Variants in PTGER3 observed in about 807,000 individuals in gnomAD.
PTGER3 encodes prostaglandin E2 receptor EP3 subtype.
In PTGER3, 22 loss-of-function variants were observed where a neutral mutation model predicts 34.7. The ratio of observed to expected loss-of-function variants is 0.63; its 90% CI spans 0.45 to 0.91. PTGER3 has a LOEUF of 0.91. PTGER3 is among the 40% of genes least tolerant of loss of function. PTGER3 has a pLI of 0.00. For missense variants in PTGER3, 468 were observed against 519.4 expected (o/e 0.90, Z 0.96); for synonymous variants, 241 against 230.1 (o/e 1.05, Z -0.43).
rs545876817 is a variant in PTGER3, at chr1:70,973,263, A to G, written c.1169+1034T>C. Among the ~76,000 whole-genome samples the G allele has an allele frequency of 4.7e-5, 7 of 149,530 alleles. No homozygotes were observed. In the East Asian group the frequency reaches 1.4e-3, roughly 29 times the overall value. On this transcript the variant is annotated intron_variant, in intron 3 of 3. Transcript: ENST00000306666. Reference sequence around the variant, plus strand: ...GATAGATAGATAGATAGATAGATAGATAGATGATAGATACGTAGACAGATA... The same window carrying G: ...GATAGATAGATAGATAGATAGATAGGTAGATGATAGATACGTAGACAGATA...
At chr1:70,869,336 A>G in intron 4 of PTGER3, 1 of 467,510 alleles carries the variant, frequency 2.1e-6, no homozygotes, top group Non-Finnish European at 4.4e-6. Context: ...TGGGGAATAC[A>G]ATTCAACATG....
chr1:70,995,481 A>G (rs1557723676), intron 2 of PTGER3, among the ~76,000 whole-genome samples: 1 of 152,180 alleles, frequency 6.6e-6, no homozygotes, highest in African/African-American at 2.4e-5. Context: ...TAGAAGGAGT[A>G]AGAAACTCAC....
chr1:71,011,005 TG>T (rs1165482445), intron 2 of PTGER3: 15 of 985,622 alleles, frequency 1.5e-5, no homozygotes, highest in Non-Finnish European at 1.7e-5. Flanking sequence ...AAAAAGTTAA[TG>T]GGTTTACAAA....
intron 4 of PTGER3, among the ~76,000 whole-genome samples, chr1:70,860,339 T>C (rs890275514): frequency 6.6e-6 from 1 of 152,152 alleles, no homozygotes; most frequent in Non-Finnish European, 1.5e-5. Flanking sequence ...GAGAAAAAAA[T>C]GTGATTCCCC....
intron 4 of PTGER3, among the ~76,000 whole-genome samples, chr1:70,853,072 C>G (rs1645717657): frequency 6.6e-6 from 1 of 152,090 alleles, no homozygotes; most frequent in Non-Finnish European, 1.5e-5. Flanking sequence ...ATGCCACAAA[C>G]TCGGGGTGTA....
chr1:70,897,721 G>A (rs1646751053), intron 4 of PTGER3, among the ~76,000 whole-genome samples: 1 of 152,190 alleles, frequency 6.6e-6, no homozygotes, highest in Non-Finnish European at 1.5e-5. Flanking sequence ...CTCCAGGAAT[G>A]TTTCCTGGTT....
chr1:70,906,684 A>G lies in PTGER3; in HGVS notation c.*23+47079T>C, dbSNP rs1375762280. ...GTTGTAAGGATTGAATTAAATATGT[A>G]TAAAAGTGGGATAGTAAGTTCAAGT... On this transcript the variant is annotated intron_variant, in intron 4 of 4. Transcript: ENST00000370931. 1.3e-5 allele frequency among the ~76,000 whole-genome samples: 2 copies of G among 152,228 alleles called. 1 individual carries two copies. Among genetic ancestry groups the G allele is most frequent in the Non-Finnish European group, 2.9e-5 (2 of 68,032 alleles).
intron 4 of PTGER3, among the ~76,000 whole-genome samples, chr1:70,882,268 C>A (rs1030232032): frequency 6.6e-6 from 1 of 152,156 alleles, no homozygotes; most frequent in Non-Finnish European, 1.5e-5. Flanking sequence ...TTTCTCAGGA[C>A]AACAGAATGC....
intron 2 of PTGER3, among the ~76,000 whole-genome samples, chr1:70,990,500 T>C (rs1156359425): frequency 1.3e-5 from 2 of 151,106 alleles, no homozygotes; most frequent in African/African-American, 4.9e-5. Context: ...TATATACATG[T>C]ATGTATGTAC....
intron 1 of PTGER3, among the ~76,000 whole-genome samples, chr1:71,014,172 A>ATC (rs1259589256): frequency 6.6e-6 from 1 of 151,960 alleles, no homozygotes; most frequent in Non-Finnish European, 1.5e-5. Flanking sequence ...ATTGAACCTA[A>ATC]TCTCTCTCTC....
At chr1:70,970,710 G>C (rs1652993157), downstream of PTGER3, 1 of 323,520 alleles carries the variant, frequency 3.1e-6, no homozygotes, top group African/African-American at 2.2e-5. Context: ...AGGACAAGAA[G>C]AAGAAAAGCT....
At chr1:71,008,068 C>T (rs1657120626) in intron 2 of PTGER3, 2 of 983,118 alleles carry the variant, frequency 2.0e-6, no homozygotes, top group East Asian at 1.1e-4. Context: ...TATTATCTCT[C>T]CTCTTAAAAA....
chr1:70,994,103 C>G (rs1016367908), intron 2 of PTGER3, among the ~76,000 whole-genome samples: 6 of 152,180 alleles, frequency 3.9e-5, no homozygotes, highest in Admixed American at 3.3e-4. Flanking sequence ...CCACAGCTAC[C>G]CTTCTCTCTT....
At chr1:70,934,711 A>G (rs1329071459) in intron 4 of PTGER3, among the ~76,000 whole-genome samples, 4 of 152,194 alleles carry the variant, frequency 2.6e-5, no homozygotes, top group Non-Finnish European at 5.9e-5. Context: ...GCCTACCTCA[A>G]TGTGAAGATA....
chr1:70,989,887 ACACACACACACG>A (rs1655271047), intron 2 of PTGER3, among the ~76,000 whole-genome samples: 1 of 151,972 alleles, frequency 6.6e-6, no homozygotes, highest in South Asian at 2.1e-4. Flanking sequence ...AATGGAACCT[ACACACACACACG>A]CACACACACA....
At chr1:71,022,568 A>G (rs552660320) in intron 1 of PTGER3, among the ~76,000 whole-genome samples, 1 of 151,890 alleles carries the variant, frequency 6.6e-6, no homozygotes, top group Non-Finnish European at 1.5e-5. Context: ...TTAAGACTTC[A>G]TCTCACAGGA....
chr1:70,982,080 T>C (rs773422018), intron 2 of PTGER3, among the ~76,000 whole-genome samples: 5 of 152,146 alleles, frequency 3.3e-5, no homozygotes, highest in Middle Eastern at 3.2e-3. Flanking sequence ...GTACAAAACT[T>C]TCTTTAATAA....
chr1:70,962,247 C>G (rs570962585), intron 2 of PTGER3, among the ~76,000 whole-genome samples: 2 of 152,272 alleles, frequency 1.3e-5, no homozygotes, highest in East Asian at 3.9e-4. Context: ...GGTTTGAGAG[C>G]AACATTTTAA....
chr1:70,916,083 C>G (rs1225637855), intron 4 of PTGER3, among the ~76,000 whole-genome samples: 1 of 151,726 alleles, frequency 6.6e-6, no homozygotes, highest in African/African-American at 2.4e-5. Flanking sequence ...AGACCATGAA[C>G]AGAACTTCTC....
Sources: allele counts gnomAD v4.1 joint callset (sites outside exome capture counted in the v4.1 genomes callset), GRCh38; gene constraint gnomAD v4.1.1; transcripts MANE v1.5; gene names NCBI Gene and HGNC (gene_info 2026-07-23, HGNC 2026-07-21).